Variants in NXN observed in about 807,000 individuals in gnomAD.
NXN encodes the protein nucleoredoxin.
NXN carries 16 observed loss-of-function variants against 48.6 expected under a neutral mutation model. That is an observed-to-expected ratio of 0.33 (90% CI 0.22 to 0.50). The LOEUF (loss-of-function observed/expected upper bound fraction) is 0.50. Ranked by LOEUF, NXN falls within the 20% of genes least tolerant of loss-of-function variation. The probability of loss-of-function intolerance (pLI) is 0.98; values close to 1 mark genes in which losing one functional copy is unlikely to be tolerated. For synonymous variants in NXN, 281 were observed against 269.6 expected, an observed-to-expected ratio of 1.04 and a Z score of -0.41; for missense variants, 492 against 605.5, an observed-to-expected ratio of 0.81 and a Z score of 1.97.
intron 1 of NXN, among the ~76,000 whole-genome samples, chr17:835,978 T>C (rs1913797973): frequency 3.7e-5 from 1 of 27,102 alleles, no homozygotes; most frequent in Non-Finnish European, 6.6e-5. Flanking sequence ...GTCAGCCTCA[T>C]AGAGGCCGCA....
chr17:804,917 G>C, intron 6 of NXN, 151 bp downstream of exon 6: 1 of 814,464 alleles, frequency 1.2e-6, no homozygotes. Context: ...AAATCATTGG[G>C]GTCAAAAGCA....
At chr17:854,804 C>T (rs1300189954) in intron 1 of NXN, among the ~76,000 whole-genome samples, 1 of 150,768 alleles carries the variant, frequency 6.6e-6, no homozygotes, top group African/African-American at 2.4e-5. Context: ...ACTAAAAATA[C>T]AAAAATTAGC....
chr17:810,769 C>G (rs547797735), intron 5 of NXN, among the ~76,000 whole-genome samples: 11 of 152,218 alleles, frequency 7.2e-5, no homozygotes, highest in African/African-American at 1.9e-4. Flanking sequence ...CACCCCTGTA[C>G]TCCCAGCTAC....
Position 924,118 on chromosome 17 carries a change from C to T in NXN, c.360+55201G>A, listed in dbSNP as rs1279356106. ...GGTCTCACTCTGTTGCCCAGGCTGC[C>T]GTGCAGTGGCACGATTCTGGGCTCA... On this transcript the variant is annotated intron_variant, in intron 1 of 7. Transcript: ENST00000336868. 4.6e-5 allele frequency among the ~76,000 whole-genome samples: 7 copies of T among 151,782 alleles called. No individual in the cohort carries two copies. In the South Asian group the frequency reaches 6.2e-4, roughly 14 times the overall value.
At chr17:873,703 A>G (rs2144814217) in intron 1 of NXN, among the ~76,000 whole-genome samples, 1 of 152,272 alleles carries the variant, frequency 6.6e-6, no homozygotes, top group African/African-American at 2.4e-5. Flanking sequence ...GATAATATCA[A>G]TGGGTTGGTA....
At chr17:928,534 C>A (rs962216166) in intron 1 of NXN, among the ~76,000 whole-genome samples, 3 of 152,080 alleles carry the variant, frequency 2.0e-5, no homozygotes, top group Non-Finnish European at 4.4e-5. Flanking sequence ...ATCCTTAATT[C>A]CCTTGAAAAA....
chr17:819,496 C>G lies in NXN; in HGVS notation c.763G>C (p.Val255Leu), dbSNP rs373626666. The G allele has an allele frequency of 1.2e-6, 2 of 1,612,864 alleles. No homozygotes were observed. Among genetic ancestry groups the G allele is most frequent in the Non-Finnish European group, 1.7e-6 (2 of 1,179,518 alleles). ...CGCCGGGCCTCATCCGTGTAGGGGA[C>G]GGCGAGCCAGGGCATCTCACTGAAG... ...QYFSEMPWLA[V>L]PYTDEARRSR... The change falls in exon 5 of 8, where the codon GTC becomes CTC. Residue 255 changes from valine to leucine, a missense_variant. This residue lies in a region of NXN where 303 missense variants were observed against 388.3 expected (regional missense o/e 0.78). Coordinates refer to ENST00000336868, the MANE Select transcript of NXN (RefSeq NM_022463.5).
Position 972,595 on chromosome 17 carries a change from C to T in NXN, c.360+6724G>A, listed in dbSNP as rs76113572. On this transcript the variant is annotated intron_variant, in intron 1 of 7. Coordinates refer to ENST00000336868, the MANE Select transcript of NXN (RefSeq NM_022463.5). ...GTTCACAACGGGACGAGCTGGAGCC[C>T]TGGAACCCTGATCACTGTCAGGAAA... Among the ~76,000 whole-genome samples, 899 of 152,294 alleles carry T rather than the reference C, an allele frequency of 5.9e-3. 11 individuals carry two copies. Among genetic ancestry groups the T allele is most frequent in the South Asian group, 0.034 (163 of 4,814 alleles).
intron 1 of NXN, among the ~76,000 whole-genome samples, chr17:835,294 C>T (rs183114675): frequency 4.8e-5 from 7 of 146,516 alleles, no homozygotes; most frequent in African/African-American, 7.6e-5. Context: ...GAAGACAGAC[C>T]GAGACTCTGT....
intron 1 of NXN, among the ~76,000 whole-genome samples, chr17:939,014 T>A (rs558723515): frequency 1.2e-4 from 18 of 151,182 alleles, no homozygotes; most frequent in Admixed American, 1.3e-4. Flanking sequence ...ATCTCACCGC[T>A]GCACTCCAGC....
chr17:918,454 C>T (rs1238126720), intron 1 of NXN, among the ~76,000 whole-genome samples: 1 of 152,164 alleles, frequency 6.6e-6, no homozygotes, highest in Non-Finnish European at 1.5e-5. Flanking sequence ...GAGTCAATCA[C>T]TCACTTTCAT....
intron 1 of NXN, among the ~76,000 whole-genome samples, chr17:865,769 A>G (rs1201191490): frequency 6.6e-6 from 1 of 150,530 alleles, no homozygotes; most frequent in African/African-American, 2.4e-5. Context: ...AGATCACTTG[A>G]GGTCAGGAGT....
intron 1 of NXN, chr17:864,108 G>A (rs2068071067): frequency 4.1e-6 from 6 of 1,466,242 alleles, no homozygotes; most frequent in Non-Finnish European, 5.4e-6. Flanking sequence ...GAAGGGGCAC[G>A]TTTACCGTTG....
intron 5 of NXN, among the ~76,000 whole-genome samples, chr17:807,611 C>T (rs1248114737): frequency 7.5e-6 from 1 of 132,702 alleles, no homozygotes; most frequent in Non-Finnish European, 1.6e-5. Flanking sequence ...CACTCAGGGG[C>T]TTCCCCGAGG....
rs536304699 is a variant in NXN at position 934,689 on chromosome 17, C to T, written c.360+44630G>A. Among the ~76,000 whole-genome samples the T allele has an allele frequency of 2.0e-5, 3 of 151,930 alleles. No homozygotes were observed. In the East Asian group the frequency reaches 5.9e-4, roughly 30 times the overall value. The stretch of plus-strand genomic sequence containing the variant: ...AGGAGTTCGGGACCAGCCTGGCCAA[C>T]ACGGTGAAACCCCATCTCTACTAAA... On this transcript the variant is annotated intron_variant, in intron 1 of 7. Transcript: ENST00000336868.
chr17:899,143 A>G (rs191239656), intron 1 of NXN, among the ~76,000 whole-genome samples: 50 of 152,208 alleles, frequency 3.3e-4, no homozygotes, highest in African/African-American at 1.2e-3. Flanking sequence ...TTTTTAGTAG[A>G]GACGCGGTTT....
intron 1 of NXN, among the ~76,000 whole-genome samples, chr17:955,870 C>G (rs1255640802): frequency 6.6e-6 from 1 of 150,988 alleles, no homozygotes. Context: ...CCACTGCACT[C>G]CAGCCTGGGC....
chr17:971,894 G>A (rs1027737413), intron 1 of NXN, among the ~76,000 whole-genome samples: 4 of 152,120 alleles, frequency 2.6e-5, no homozygotes, highest in African/African-American at 7.2e-5. Context: ...CTGGCCGGGC[G>A]CCGCAGCTCA....
intron 1 of NXN, among the ~76,000 whole-genome samples, chr17:975,314 T>G (rs2069445972): frequency 6.6e-6 from 1 of 152,152 alleles, no homozygotes; most frequent in African/African-American, 2.4e-5. Context: ...AAAGATACAG[T>G]GGTGTCACAG....
Sources: gnomAD v4.1 joint callset for allele counts (sites outside exome capture counted in the v4.1 genomes callset) on GRCh38, gnomAD v4.1.1 for gene constraint, gnomAD v4.1.1 regional missense constraint, MANE v1.5 for transcripts, NCBI Gene and HGNC (gene_info 2026-07-23, HGNC 2026-07-21) for gene names.